OXR1: variants seen among roughly 807,000 people sequenced by gnomAD.
OXR1 encodes oxidation resistance protein 1.
Under a neutral mutation model 104.6 loss-of-function variants are expected in OXR1, and 41 were observed. The observed-to-expected ratio is 0.39, with a 90% CI of 0.31 to 0.51. The LOEUF is 0.51. Ranked by LOEUF, OXR1 falls within the 20% of genes least tolerant of loss-of-function variation. The pLI, the probability that OXR1 is intolerant of heterozygous loss-of-function variation, is 0.77. For synonymous variants in OXR1, 348 were observed against 348.4 expected (o/e 1.00, Z 0.01); for missense variants, 955 against 1,031.9 (o/e 0.93, Z 1.02).
chr8:106,299,059 A>G (rs1235792152), intron 1 of OXR1, among the ~76,000 whole-genome samples: 1 of 152,094 alleles, frequency 6.6e-6, no homozygotes, highest in Admixed American at 6.5e-5. Context: ...TACGTTAACA[A>G]TCAAACCCCA....
chr8:106,462,844 G>A (rs1820982031), intron 2 of OXR1, among the ~76,000 whole-genome samples: 1 of 152,020 alleles, frequency 6.6e-6, no homozygotes, highest in South Asian at 2.1e-4. Context: ...CTTGAGGAAG[G>A]ATCAGTGGGG....
chr8:106,574,231 A>G (rs1356942427), intron 3 of OXR1, among the ~76,000 whole-genome samples: 1 of 152,150 alleles, frequency 6.6e-6, no homozygotes, highest in Non-Finnish European at 1.5e-5. Context: ...TTTTTGTCTC[A>G]CACAACAGTC....
intron 2 of OXR1, among the ~76,000 whole-genome samples, chr8:106,503,483 T>G (rs1811943847): frequency 6.6e-6 from 1 of 152,166 alleles, no homozygotes. Flanking sequence ...GGGCTGTTGT[T>G]GATGTTCTGG....
intron 3 of OXR1, among the ~76,000 whole-genome samples, chr8:106,554,463 T>C (rs1211613272): frequency 6.6e-6 from 1 of 152,216 alleles, no homozygotes; most frequent in Non-Finnish European, 1.5e-5. Context: ...AAAATGGACA[T>C]TACTATGAAA....
chr8:106,646,469 T>C (rs1203692684), intron 3 of OXR1, among the ~76,000 whole-genome samples: 1 of 152,202 alleles, frequency 6.6e-6, no homozygotes, highest in Non-Finnish European at 1.5e-5. Flanking sequence ...AAAAGCTATA[T>C]AACTTTAAAA....
At chr8:106,667,690 AATT>A (rs1826488041) in intron 3 of OXR1, among the ~76,000 whole-genome samples, 1 of 152,190 alleles carries the variant, frequency 6.6e-6, no homozygotes, top group Non-Finnish European at 1.5e-5. Flanking sequence ...TTTTATACGA[AATT>A]AATTTTTAAA....
chr8:106,638,572 A>G (rs1055061975), intron 3 of OXR1, among the ~76,000 whole-genome samples: 2 of 152,174 alleles, frequency 1.3e-5, no homozygotes, highest in African/African-American at 2.4e-5. Flanking sequence ...CTCTGAGGAC[A>G]ACACTTTAAG....
intron 2 of OXR1, among the ~76,000 whole-genome samples, chr8:106,463,115 T>TAC (rs1820997276): frequency 6.6e-6 from 1 of 152,056 alleles, no homozygotes; most frequent in Non-Finnish European, 1.5e-5. Flanking sequence ...CCATATTTTA[T>TAC]ACACTTTGGA....
chr8:106,571,823 A>C (rs1160131153), intron 3 of OXR1, among the ~76,000 whole-genome samples: 3 of 152,184 alleles, frequency 2.0e-5, no homozygotes, highest in Non-Finnish European at 4.4e-5. Flanking sequence ...AGACATTCCC[A>C]TTCCAAAAGA....
chr8:106,522,297 T>C (rs1170321056), intron 3 of OXR1, among the ~76,000 whole-genome samples: 1 of 152,224 alleles, frequency 6.6e-6, no homozygotes, highest in Non-Finnish European at 1.5e-5. Flanking sequence ...AATATATGCA[T>C]ATAACCTATG....
chr8:106,551,007 T>A (rs1158590581), intron 3 of OXR1, among the ~76,000 whole-genome samples: 1 of 152,220 alleles, frequency 6.6e-6, no homozygotes, highest in Non-Finnish European at 1.5e-5. Context: ...GTTCTAAAAC[T>A]TAATTTAAAT....
At chr8:106,578,363 T>C (rs553078417) in intron 3 of OXR1, among the ~76,000 whole-genome samples, 93 of 152,354 alleles carry the variant, frequency 6.1e-4, no homozygotes, top group Non-Finnish European at 1.2e-3. Flanking sequence ...ACTACATTGA[T>C]TGATACAGTA....
intron 3 of OXR1, among the ~76,000 whole-genome samples, chr8:106,661,467 C>T (rs1028723868): frequency 1.5e-4 from 23 of 152,144 alleles, no homozygotes; most frequent in Non-Finnish European, 7.3e-5. Context: ...TCCTGATTAA[C>T]GGGTACATTA....
At chr8:106,465,977 T>A (rs1157619028) in intron 2 of OXR1, among the ~76,000 whole-genome samples, 1 of 152,026 alleles carries the variant, frequency 6.6e-6, no homozygotes, top group African/African-American at 2.4e-5. Flanking sequence ...ACTCAGACAT[T>A]ATCTTCTCTA....
In OXR1 at chr8:106,664,390, A is replaced by G. The variant is rs759616147; in HGVS notation, c.221-14820A>G. Among the ~76,000 whole-genome samples, 15 of 152,232 alleles carry G rather than the reference A, an allele frequency of 9.9e-5. 1 individual carries two copies. The highest frequency in any genetic ancestry group is 3.9e-4 in the Admixed American group (6 of 15,282). On this transcript the variant is annotated intron_variant, in intron 3 of 16. Transcript: ENST00000517566. ...TGCATTTCTAACAAGTTCTTAAGTAATGCTGATGCTGCTGGTCTGGCAACC... is the reference window on the plus strand; with the variant it reads ...TGCATTTCTAACAAGTTCTTAAGTAGTGCTGATGCTGCTGGTCTGGCAACC...
At position 106,563,452 on chromosome 8, in the gene OXR1, T is replaced by A. The variant is rs564365639; in HGVS notation, c.220+44313T>A. Among the ~76,000 whole-genome samples the A allele has an allele frequency of 1.3e-3, 197 of 152,266 alleles. 3 individuals carry two copies. The highest frequency in any genetic ancestry group is 1.0e-3 in the Admixed American group (16 of 15,294). ...CAAGAAGTGCTAACTATCTTAAATA[T>A]ATATGCACCCAATACAAGAGCACCC... On this transcript the variant is annotated intron_variant, in intron 3 of 16. Coordinates refer to ENST00000517566, the MANE Select transcript of OXR1 (RefSeq NM_001198533.2).
intron 1 of OXR1, among the ~76,000 whole-genome samples, chr8:106,329,148 C>T (rs768006388): frequency 2.6e-5 from 4 of 151,842 alleles, no homozygotes; most frequent in Non-Finnish European, 5.9e-5. Flanking sequence ...TGTACCACCA[C>T]GCCTGGCTAA....
At chr8:106,345,207 TAAG>T (rs1311292586) in intron 1 of OXR1, among the ~76,000 whole-genome samples, 1 of 152,160 alleles carries the variant, frequency 6.6e-6, no homozygotes, top group Non-Finnish European at 1.5e-5. Context: ...ATGAATGACA[TAAG>T]AACACATAGC....
At chr8:106,309,828 T>G (rs1434246164) in intron 1 of OXR1, among the ~76,000 whole-genome samples, 1 of 151,172 alleles carries the variant, frequency 6.6e-6, no homozygotes, top group Non-Finnish European at 1.5e-5. Flanking sequence ...TATATATTTG[T>G]CCACATATTT....
Sources: gnomAD v4.1 joint callset for allele counts (sites outside exome capture counted in the v4.1 genomes callset) on GRCh38, gnomAD v4.1.1 for gene constraint, MANE v1.5 for transcripts, NCBI Gene and HGNC (gene_info 2026-07-23, HGNC 2026-07-21) for gene names.